The following MRTFB variants were observed in gnomAD, a reference collection of about 807,000 sequenced individuals.
MRTFB encodes the protein myocardin-related transcription factor B.
MRTFB carries 29 observed loss-of-function variants against 104.2 expected under a neutral mutation model. The ratio of observed to expected loss-of-function variants is 0.28; its 90% CI spans 0.21 to 0.38. MRTFB has a LOEUF of 0.38. Ranked by LOEUF, MRTFB falls within the 10% of genes least tolerant of loss-of-function variation. The pLI, the probability that MRTFB is intolerant of heterozygous loss-of-function variation, is 1.00. For missense variants in MRTFB, 1,270 were observed against 1,341.6 expected, an observed-to-expected ratio of 0.95 and a Z score of 0.83; for synonymous variants, 535 against 519.5, an observed-to-expected ratio of 1.03 and a Z score of -0.41.
At position 14,262,919 on chromosome 16, in the gene MRTFB, G is replaced by A. The variant is rs1197787926; in HGVS notation, c.*1475G>A. The A allele has an allele frequency of 6.6e-6, 1 of 152,510 alleles. No homozygotes were observed. Among genetic ancestry groups the A allele is most frequent in the Admixed American group, 6.5e-5 (1 of 15,278 alleles). The allele number at this position is 152,510 out of a possible 1,614,324, so 9.4% of individuals were successfully genotyped here. A position where few individuals can be genotyped will look rare whatever the true frequency, so the allele number is the denominator to read the frequency against. On this transcript the variant is annotated 3_prime_UTR_variant, in exon 17 of 17. Coordinates refer to ENST00000571589, the MANE Select transcript of MRTFB (RefSeq NM_001308142.2). ...TCCCCTGGGTCACAAAATGGTAAAT[G>A]TTCCATACTGACATGCCGGAGGCAG...
At chr16:14,120,372 CT>C (rs548720950) in intron 2 of MRTFB, among the ~76,000 whole-genome samples, 346 of 152,230 alleles carry the variant, frequency 2.3e-3, no homozygotes, top group African/African-American at 7.9e-3. Flanking sequence ...TCTCTAAGTA[CT>C]TTGGGGTCAT....
chr16:14,025,255 A>G, the MRTFB span, among the ~76,000 whole-genome samples: 2 of 152,180 alleles, frequency 1.3e-5, no homozygotes, highest in South Asian at 2.1e-4. Flanking sequence ...ATCATGGCTT[A>G]TTGTAGCCTC....
intron 3 of MRTFB, among the ~76,000 whole-genome samples, chr16:14,175,116 C>G (rs540089666): frequency 3.9e-5 from 6 of 151,962 alleles, no homozygotes; most frequent in African/African-American, 1.5e-4. Context: ...AGGAATTTCT[C>G]TGTTCCCACG....
At chr16:14,029,299 T>G in the MRTFB span, among the ~76,000 whole-genome samples, 2 of 150,458 alleles carry the variant, frequency 1.3e-5, no homozygotes, top group Admixed American at 1.3e-4. Context: ...GAGAGAGACT[T>G]TATGCGTTAA....
chr16:14,086,201 A>G (rs1016233176), intron 2 of MRTFB, among the ~76,000 whole-genome samples: 1 of 152,208 alleles, frequency 6.6e-6, no homozygotes, highest in African/African-American at 2.4e-5. Context: ...TTTGTCCAGT[A>G]TCCTGTCTTT....
intron 12 of MRTFB, 131 bp from the exon 13 acceptor site, chr16:14,248,795 G>A (rs879392651): frequency 3.4e-5 from 29 of 864,856 alleles, no homozygotes; most frequent in Non-Finnish European, 4.4e-5. Flanking sequence ...CAGATGAAGT[G>A]TGTATCTGTA....
chr16:14,023,455 T>C, the MRTFB span, among the ~76,000 whole-genome samples: 1 of 151,820 alleles, frequency 6.6e-6, no homozygotes, highest in East Asian at 1.9e-4. Context: ...TGGAGCCTGA[T>C]GGCCTGTGCT....
In MRTFB at chr16:14,247,330, G is replaced by A. The variant is rs772139173; in HGVS notation, c.2070G>A (p.Glu690=). The A allele has an allele frequency of 1.9e-5, 30 of 1,614,108 alleles. No individual in the cohort carries two copies. The highest frequency in any genetic ancestry group is 2.5e-5 in the Non-Finnish European group (29 of 1,180,054). ...IKQEVPVGQA[E]QQSVVSQFYV... ...AAGAGGTCCCTGTGGGCCAGGCAGA[G>A]CAGCAGAGTGTCGTCTCGCAGTTTT... Residue 690 remains glutamate (E), a synonymous_variant, in exon 12 of 17, where the codon GAG becomes GAA. Coordinates refer to ENST00000571589, the MANE Select transcript of MRTFB (RefSeq NM_001308142.2).
chr16:14,029,405 T>TAA, the MRTFB span, among the ~76,000 whole-genome samples: 2,460 of 86,938 alleles, frequency 0.028, 92 homozygotes, highest in East Asian at 0.14. Flanking sequence ...GACTCTGTCT[T>TAA]AAAAAAAAAA....
intron 3 of MRTFB, among the ~76,000 whole-genome samples, chr16:14,187,740 G>A (rs567391876): frequency 6.6e-6 from 1 of 152,224 alleles, no homozygotes; most frequent in Non-Finnish European, 1.5e-5. Flanking sequence ...GGCAAGACTG[G>A]TACACAGCTT....
intron 1 of MRTFB, among the ~76,000 whole-genome samples, chr16:14,072,869 A>G (rs1211721729): frequency 2.6e-5 from 4 of 152,226 alleles, no homozygotes; most frequent in African/African-American, 9.6e-5. Flanking sequence ...CCATATTTTT[A>G]AACTATATTG....
At chr16:14,126,349 T>C (rs1263385496) in intron 2 of MRTFB, among the ~76,000 whole-genome samples, 1 of 152,184 alleles carries the variant, frequency 6.6e-6, no homozygotes, top group Non-Finnish European at 1.5e-5. Context: ...AGAGCTAACC[T>C]GTATTATGCC....
the MRTFB span, among the ~76,000 whole-genome samples, chr16:14,017,953 C>T: frequency 1.3e-5 from 2 of 151,300 alleles, no homozygotes; most frequent in Admixed American, 1.3e-4. Context: ...AACTCAAGGC[C>T]CCAAGCAATC....
chr16:14,186,103 T>C (rs543348253), intron 3 of MRTFB, among the ~76,000 whole-genome samples: 4 of 152,374 alleles, frequency 2.6e-5, no homozygotes, highest in African/African-American at 9.6e-5. Context: ...CCCAGCCAAC[T>C]AGTGGCACTA....
chr16:14,257,279 G>A (rs185862385), intron 15 of MRTFB, among the ~76,000 whole-genome samples: 3 of 152,054 alleles, frequency 2.0e-5, no homozygotes, highest in Admixed American at 6.6e-5. Flanking sequence ...GTCTATACAA[G>A]GACCTGTACA....
At chr16:14,045,526 C>A in the MRTFB span, among the ~76,000 whole-genome samples, 1 of 152,188 alleles carries the variant, frequency 6.6e-6, no homozygotes, top group Non-Finnish European at 1.5e-5. Context: ...TGTTACACCA[C>A]CTGCCAAGTT....
At chr16:14,227,377 C>T (rs1228302231) in intron 8 of MRTFB, among the ~76,000 whole-genome samples, 1 of 152,220 alleles carries the variant, frequency 6.6e-6, no homozygotes, top group African/African-American at 2.4e-5. Context: ...TACACTGGCT[C>T]CATTTCCCCT....
intron 3 of MRTFB, chr16:14,151,586 T>C (rs2038616771): frequency 1.3e-5 from 2 of 152,186 alleles, no homozygotes; most frequent in South Asian, 2.1e-4. Flanking sequence ...TCCCATTTTC[T>C]ACAAGTATTT....
intron 1 of MRTFB, among the ~76,000 whole-genome samples, chr16:14,075,269 G>A (rs1273023037): frequency 2.0e-5 from 3 of 152,190 alleles, no homozygotes; most frequent in African/African-American, 4.8e-5. Flanking sequence ...ACTCAATCAC[G>A]TGAAGACCCT....
Sources: allele counts gnomAD v4.1 joint callset (sites outside exome capture counted in the v4.1 genomes callset), GRCh38; gene constraint gnomAD v4.1.1; transcripts MANE v1.5; gene names NCBI Gene and HGNC (gene_info 2026-07-23, HGNC 2026-07-21).